Variants in VPS13B observed in about 807,000 individuals in gnomAD.
The protein encoded by VPS13B is vacuolar protein sorting 13 homolog B, also known as intermembrane lipid transfer protein VPS13B.
In VPS13B, 285 loss-of-function variants were observed where a neutral mutation model predicts 426.4. That is an observed-to-expected ratio of 0.67 (90% confidence interval 0.61 to 0.74). The LOEUF (loss-of-function observed/expected upper bound fraction) is 0.74, where lower values mean the gene tolerates loss of function less well. VPS13B is among the 30% of genes least tolerant of loss of function. VPS13B has a pLI of 0.00. For synonymous variants in VPS13B, 1,676 were observed against 1,676.4 expected (o/e 1.00, Z 0.01); for missense variants, 4,537 against 4,782.6 (o/e 0.95, Z 1.51).
chr8:99,087,860 G>C (rs1588020282), intron 3 of VPS13B, among the ~76,000 whole-genome samples: 1 of 152,080 alleles, frequency 6.6e-6, no homozygotes, highest in East Asian at 1.9e-4. Context: ...TGTATGTCAT[G>C]CCTTTACTAG....
intron 33 of VPS13B, among the ~76,000 whole-genome samples, chr8:99,582,939 G>A (rs1030547662): frequency 2.0e-5 from 3 of 152,342 alleles, no homozygotes; most frequent in African/African-American, 2.4e-5. Flanking sequence ...ACAGGCGTGA[G>A]CCACTGCGCC....
At chr8:99,565,172 G>C (rs1242679345) in intron 31 of VPS13B, among the ~76,000 whole-genome samples, 3 of 152,010 alleles carry the variant, frequency 2.0e-5, no homozygotes, top group African/African-American at 7.2e-5. Context: ...AATTCTAATA[G>C]ACTTTGCAAA....
At position 99,152,569 on chromosome 8, in the gene VPS13B, A is replaced by G. The variant is rs751146853; in HGVS notation, c.2014-3980A>G. Among the ~76,000 whole-genome samples, 301 of 152,302 alleles carry G rather than the reference A, an allele frequency of 2.0e-3. 6 individuals carry two copies. The highest frequency in any genetic ancestry group is 1.3e-3 in the Non-Finnish European group (87 of 68,018). On this transcript the variant is annotated intron_variant, in intron 14 of 61. Coordinates refer to ENST00000357162, the MANE Select transcript of VPS13B (RefSeq NM_152564.5). ...TTTTCTGTCTGCTGGAACTGATTAT[A>G]TCTGATAGAGGGATATTGAAGTCTC...
At chr8:99,639,780 G>C (rs974729185) in intron 33 of VPS13B, among the ~76,000 whole-genome samples, 1 of 148,932 alleles carries the variant, frequency 6.7e-6, no homozygotes, top group South Asian at 2.1e-4. Context: ...AGACCAGGTT[G>C]GGCTACACTA....
chr8:99,836,226 G>A (rs1314599119), intron 54 of VPS13B, among the ~76,000 whole-genome samples: 2 of 152,158 alleles, frequency 1.3e-5, no homozygotes, highest in Non-Finnish European at 2.9e-5. Context: ...CTGGATGTTA[G>A]TGATACTAAT....
chr8:99,485,718 A>T (rs1004628886), intron 25 of VPS13B, among the ~76,000 whole-genome samples: 3 of 152,216 alleles, frequency 2.0e-5, no homozygotes, highest in African/African-American at 7.2e-5. Flanking sequence ...TAATCAACAG[A>T]TTATCAGGAC....
In VPS13B at chr8:99,354,266, CTTTTTTTTTTTTTTTTTTTTTTT is replaced by C. The variant is rs71273176; in HGVS notation, c.2825-29925_2825-29903del. ...TTCTACTGTAGCCCCCTCCCCCTGCCTTTTTTTTTTTTTTTTTTTTTTTTTTTTTTTTTTTTTTTGGTATTTCA... is the reference window on the plus strand; with the variant it reads ...TTCTACTGTAGCCCCCTCCCCCTGCCTTTTTTTTTTTTTTTTGGTATTTCA... On this transcript the variant is annotated intron_variant, in intron 19 of 61. Transcript: ENST00000357162. Among the ~76,000 whole-genome samples, 31 of 22,196 alleles carry C rather than the reference CTTTTTTTTTTTTTTTTTTTTTTT, an allele frequency of 1.4e-3. No homozygotes were observed. In the South Asian group the frequency reaches 0.024, roughly 18 times the overall value. The allele number at this position is 22,196 out of a possible 152,430, so 14.6% of individuals were successfully genotyped here.
chr8:99,713,522 T>C (rs943997028), intron 36 of VPS13B, among the ~76,000 whole-genome samples: 1 of 152,174 alleles, frequency 6.6e-6, no homozygotes, highest in Admixed American at 6.5e-5. Context: ...CCCTGTGATG[T>C]TGGATTTGAA....
chr8:99,835,286 G>C lies in VPS13B; in HGVS notation c.9704G>C (p.Arg3235Thr). ...DPSPRVIIHN[R>T]CPVKMLIKEN... ...AGTCCTCGAGTAATTATCCACAATA[G>C]ATGTCCAGTAAAAATGCTTATAAAG... Residue 3235 changes from arginine (R) to threonine (T), a missense_variant, in exon 53 of 62, where the codon AGA becomes ACA. Arg to Thr is a moderately conservative substitution (Grantham distance 71). Around this residue, in one of 2 missense-constraint regions of VPS13B, gnomAD observed 4,311 missense variants for 4,474.3 expected, o/e 0.96. Coordinates refer to ENST00000357162, the MANE Select transcript of VPS13B (RefSeq NM_152564.5). 1.2e-6 allele frequency: 2 copies of C among 1,613,240 alleles called. No homozygotes were observed. Among genetic ancestry groups the C allele is most frequent in the Non-Finnish European group, 1.7e-6 (2 of 1,179,354 alleles).
At chr8:99,065,245 T>C (rs1272285232) in intron 3 of VPS13B, among the ~76,000 whole-genome samples, 1 of 152,192 alleles carries the variant, frequency 6.6e-6, no homozygotes, top group African/African-American at 2.4e-5. Context: ...TGAATGAACA[T>C]TGATGCGAAA....
At chr8:99,323,211 A>G (rs1418037503) in intron 19 of VPS13B, among the ~76,000 whole-genome samples, 2 of 152,162 alleles carry the variant, frequency 1.3e-5, no homozygotes, top group African/African-American at 4.8e-5. Flanking sequence ...TTTCATACCT[A>G]TCATGACACT....
chr8:99,270,517 C>A (rs912745990), intron 17 of VPS13B, among the ~76,000 whole-genome samples: 7 of 151,916 alleles, frequency 4.6e-5, no homozygotes, highest in African/African-American at 1.7e-4. Context: ...TTAAGAAATA[C>A]TTATTATTTA....
At chr8:99,478,118 ATCTT>A (rs965578638) in intron 24 of VPS13B, among the ~76,000 whole-genome samples, 10 of 151,106 alleles carry the variant, frequency 6.6e-5, no homozygotes, top group Admixed American at 2.0e-4. Flanking sequence ...AGCCCATAGA[ATCTT>A]TTTTTTTTTT....
chr8:99,040,421 G>A (rs1303132281), intron 3 of VPS13B, among the ~76,000 whole-genome samples: 1 of 152,026 alleles, frequency 6.6e-6, no homozygotes, highest in Admixed American at 6.5e-5. Flanking sequence ...TAAAATTTTG[G>A]GTTAGAAAGG....
intron 19 of VPS13B, chr8:99,340,416 A>G (rs1286060563): frequency 4.2e-6 from 2 of 470,976 alleles, no homozygotes; most frequent in Non-Finnish European, 8.4e-6. Flanking sequence ...AACTTCAGAA[A>G]AGATCAAAGT....
intron 16 of VPS13B, among the ~76,000 whole-genome samples, chr8:99,170,470 G>T (rs1812266009): frequency 6.6e-6 from 1 of 151,802 alleles, no homozygotes; most frequent in Admixed American, 6.6e-5. Flanking sequence ...TTTTTTTCAA[G>T]AGTGGGTATA....
intron 23 of VPS13B, among the ~76,000 whole-genome samples, chr8:99,461,129 C>G (rs1818808834): frequency 6.6e-6 from 1 of 151,456 alleles, no homozygotes; most frequent in South Asian, 2.1e-4. Flanking sequence ...AAATCCTCTT[C>G]TTTTCTCAAG....
At chr8:99,106,268 C>A (rs963765446) in intron 5 of VPS13B, among the ~76,000 whole-genome samples, 1 of 151,374 alleles carries the variant, frequency 6.6e-6, no homozygotes, top group African/African-American at 2.4e-5. Flanking sequence ...ACCATCTCTA[C>A]TAAAAATACA....
intron 19 of VPS13B, among the ~76,000 whole-genome samples, chr8:99,287,290 C>T (rs893171485): frequency 6.6e-6 from 1 of 151,330 alleles, no homozygotes; most frequent in Non-Finnish European, 1.5e-5. Flanking sequence ...ATCTATCTCT[C>T]CCTCCGTACT....
Sources: gnomAD v4.1 joint callset for allele counts (sites outside exome capture counted in the v4.1 genomes callset) on GRCh38, gnomAD v4.1.1 for gene constraint, gnomAD v4.1.1 regional missense constraint, MANE v1.5 for transcripts, NCBI Gene and HGNC (gene_info 2026-07-23, HGNC 2026-07-21) for gene names.